PRKCG: variants seen among roughly 807,000 people sequenced by gnomAD.
PRKCG encodes protein kinase C gamma type.
A neutral mutation model predicts 82.0 loss-of-function variants in PRKCG; 28 were observed. The observed-to-expected ratio is 0.34, with a 90% CI of 0.25 to 0.47. PRKCG has a LOEUF of 0.47. PRKCG is among the 20% of genes least tolerant of loss of function. The pLI is 1.00. For missense variants in PRKCG, 640 were observed against 952.7 expected, an observed-to-expected ratio of 0.67 and a Z score of 4.32; for synonymous variants, 383 against 376.6, an observed-to-expected ratio of 1.02 and a Z score of -0.20.
chr19:53,892,381 C>G lies in PRKCG; in HGVS notation c.687-128C>G. The stretch of plus-strand genomic sequence containing the variant: ...GAGCCCGGCTGGGAAGGTCAGAGGT[C>G]GGAGACCGACAAAGCAGGAGAGGAG... On this transcript the variant is annotated intron_variant, in intron 6 of 17. Transcript: ENST00000263431. This position sits in a 1 kb window ranked among gnomAD's most constrained non-coding sequence, Gnocchi z 5.9. The G allele has an allele frequency of 7.0e-7, 1 of 1,423,082 alleles. No homozygotes were observed. The highest frequency in any genetic ancestry group is 9.5e-7 in the Non-Finnish European group (1 of 1,053,658). The allele number at this position is 1,423,082 out of a possible 1,614,324, so 88.2% of individuals were successfully genotyped here.
At chr19:53,890,967 G>T (rs569367944) in intron 5 of PRKCG, among the ~76,000 whole-genome samples, 45 of 152,036 alleles carry the variant, frequency 3.0e-4, no homozygotes, top group Middle Eastern at 3.4e-3. Flanking sequence ...AGCCAGGCTG[G>T]TCTGGAACTC....
At chr19:53,894,181 T>G (rs2068701209) in intron 9 of PRKCG, among the ~76,000 whole-genome samples, 1 of 152,190 alleles carries the variant, frequency 6.6e-6, no homozygotes, top group African/African-American at 2.4e-5. Flanking sequence ...TTCTCCTGCA[T>G]CAGCCTCCTG....
In PRKCG at chr19:53,900,982, A is replaced by C. The variant is rs2068759209; in HGVS notation, c.1575+233A>C. Among the ~76,000 whole-genome samples the C allele has an allele frequency of 6.6e-6, 1 of 152,158 alleles. No individual in the cohort carries two copies. Reference sequence around the variant, plus strand: ...GTAAGGTGGGCAGCACCTGTGGGTGAATGTTCCAGGAGAGTGGGACCAGCT... The same window carrying C: ...GTAAGGTGGGCAGCACCTGTGGGTGCATGTTCCAGGAGAGTGGGACCAGCT... On this transcript the variant is annotated intron_variant, in intron 14 of 17. Coordinates refer to ENST00000263431, the MANE Select transcript of PRKCG (RefSeq NM_002739.5). This position sits in a 1 kb window ranked among gnomAD's most constrained non-coding sequence, Gnocchi z 4.2.
intron 14 of PRKCG, among the ~76,000 whole-genome samples, chr19:53,902,633 TC>T (rs1452128402): frequency 2.0e-5 from 3 of 150,478 alleles, no homozygotes; most frequent in Non-Finnish European, 4.4e-5. Flanking sequence ...GGTGGCTCAC[TC>T]CTATAATCCC....
chr19:53,898,786 G>GGT lies in PRKCG; in HGVS notation c.1281+159_1281+160insTG, dbSNP rs1461217536. On this transcript the variant is annotated intron_variant, in intron 11 of 17. Transcript: ENST00000263431. ...TGTCTCCTCAGGGGGCGTGGCCGGG[G>GGT]GGGGGTCCTTGGGGGGCGTGGCCAG... is the stretch of plus-strand genomic sequence containing the variant. 1.1e-4 allele frequency among the ~76,000 whole-genome samples: 13 copies of GGT among 115,980 alleles called. 1 individual carries two copies. Among genetic ancestry groups the GGT allele is most frequent in the South Asian group, 3.5e-4 (1 of 2,866 alleles). The allele number at this position is 115,980 out of a possible 152,430, so 76.1% of individuals were successfully genotyped here.
In PRKCG at chr19:53,884,224, G is replaced by A; in HGVS notation, c.266G>A (p.Gly89Glu). 6.2e-7 allele frequency: 1 copy of A among 1,614,070 alleles called. No individual in the cohort carries two copies. Among genetic ancestry groups the A allele is most frequent in the Non-Finnish European group, 8.5e-7 (1 of 1,180,042 alleles). The change falls in exon 3 of 18, where the codon GGG becomes GAG. Residue 89 changes from glycine (G) to glutamate (E), a missense_variant. Gly to Glu is a moderately conservative substitution (Grantham distance 98). Around this residue, in one of 7 missense-constraint regions of PRKCG, gnomAD observed 50 missense variants for 146.5 expected, o/e 0.34. Transcript: ENST00000263431. This position sits in a 1 kb window ranked among gnomAD's most constrained non-coding sequence, Gnocchi z 4.6. ...GTGACCTTCGAGTGTCCAGGCGCTG[G>A]GAAGGGCCCCCAGACGGACGTGAGT... ...EFVTFECPGA[G>E]KGPQTDDPRN...
In PRKCG at chr19:53,889,594, AG is replaced by A; in HGVS notation, c.286-42del. ...AAAAGGGCCCCTCCCCTGGGGTTTTAGGACCCTCCCAACGCCCCCTAAGCCA... is the reference window on the plus strand; with the variant it reads ...AAAAGGGCCCCTCCCCTGGGGTTTTAGACCCTCCCAACGCCCCCTAAGCCA... On this transcript the variant is annotated intron_variant, in intron 3 of 17. Coordinates refer to ENST00000263431, the MANE Select transcript of PRKCG (RefSeq NM_002739.5). This position sits in a 1 kb window ranked among gnomAD's most constrained non-coding sequence, Gnocchi z 4.4. 6.7e-7 allele frequency: 1 copy of A among 1,493,928 alleles called. No individual in the cohort carries two copies. The highest frequency in any genetic ancestry group is 2.3e-5 in the East Asian group (1 of 43,858). 92.5% of individuals were successfully genotyped at this position (1,493,928 alleles called of 1,614,324 possible).
In PRKCG at chr19:53,884,404, G is replaced by A. The variant is rs1599938915; in HGVS notation, c.285+161G>A. Among the ~76,000 whole-genome samples, 1 of 152,028 alleles carries A rather than the reference G, an allele frequency of 6.6e-6. No individual in the cohort carries two copies. Among genetic ancestry groups the A allele is most frequent in the East Asian group, 1.9e-4 (1 of 5,184 alleles). ...GCCCAGATTCCTTGCCCTTGGCCTG[G>A]AAAGGGGGAATGCGAGGGGGACTGA... On this transcript the variant is annotated intron_variant, in intron 3 of 17. Transcript: ENST00000263431. The surrounding 1 kb of genome is among the most constrained non-coding windows in gnomAD (Gnocchi z 4.6).
chr19:53,898,700 T>C (rs2068736208), intron 11 of PRKCG, 72 bp downstream of exon 11: 2 of 1,448,176 alleles, frequency 1.4e-6, no homozygotes, highest in South Asian at 1.2e-5. Context: ...GCGTTGGGAT[T>C]CTGAGTTTAG....
In PRKCG at chr19:53,898,517, C is replaced by T; in HGVS notation, c.1170C>T (p.Asp390=). Residue 390 remains aspartate, a synonymous_variant, in exon 11 of 18, where the codon GAC becomes GAT. Coordinates refer to ENST00000263431, the MANE Select transcript of PRKCG (RefSeq NM_002739.5). The part of the protein sequence containing the change: ...KILKKDVIVQ[D]DDVDCTLVEK... ...TGAAAAAGGACGTGATCGTCCAGGA[C>T]GACGATGTGGACTGCACGCTGGTGG... 6.2e-7 allele frequency: 1 copy of T among 1,613,890 alleles called. No homozygotes were observed. The highest frequency in any genetic ancestry group is 8.5e-7 in the Non-Finnish European group (1 of 1,180,004).
rs368298841 is a variant in PRKCG, at chr19:53,883,197, A to G, written c.202+3A>G. The G allele has an allele frequency of 2.5e-6, 4 of 1,613,734 alleles. No homozygotes were observed. Among genetic ancestry groups the G allele is most frequent in the Non-Finnish European group, 3.4e-6 (4 of 1,179,868 alleles). ...AAAGCAGGGCCTGCAATGTCAAGGTAAGAGCTGGGGACCGGGGCTCCTGGG... is the reference window on the plus strand; with the variant it reads ...AAAGCAGGGCCTGCAATGTCAAGGTGAGAGCTGGGGACCGGGGCTCCTGGG... On this transcript the variant is annotated splice_donor_region_variant and intron_variant, in intron 2 of 17. Coordinates refer to ENST00000263431, the MANE Select transcript of PRKCG (RefSeq NM_002739.5). The surrounding 1 kb of genome is among the most constrained non-coding windows in gnomAD (Gnocchi z 5.4).
chr19:53,887,540 ACATGCCTTGACCAGGCATGGTGGCT>A (rs2068640370), intron 3 of PRKCG, among the ~76,000 whole-genome samples: 1 of 136,290 alleles, frequency 7.3e-6, no homozygotes, highest in Admixed American at 7.6e-5. Flanking sequence ...AAAAAAGGTA[ACATGCCTTGACCAGGCATGGTGGCT>A]CATGCCTGTA....
At position 53,892,645 on chromosome 19, in the gene PRKCG, TGAG is replaced by T; in HGVS notation, c.821+6_821+8del. On this transcript the variant is annotated splice_donor_5th_base_variant and intron_variant, in intron 7 of 17. Coordinates refer to ENST00000263431, the MANE Select transcript of PRKCG (RefSeq NM_002739.5). The surrounding 1 kb of genome is among the most constrained non-coding windows in gnomAD (Gnocchi z 5.9). ...GCTCAAGGCGCCCGTGGATGGCTGG[TGAG>T]GAGCAGGGCTGGGGCCTGGGGATGG... 1 of 1,610,754 alleles carries T rather than the reference TGAG, an allele frequency of 6.2e-7. No individual in the cohort carries two copies. Among genetic ancestry groups the T allele is most frequent in the Non-Finnish European group, 8.5e-7 (1 of 1,179,626 alleles).
chr19:53,891,652 C>A, intron 5 of PRKCG, 22 bp from the exon 6 acceptor site: 1 of 1,613,380 alleles, frequency 6.2e-7, no homozygotes, highest in Non-Finnish European at 8.5e-7. Flanking sequence ...ACCCGTCACA[C>A]TCTTCCTCAC....
chr19:53,883,489 AG>A lies in PRKCG; in HGVS notation c.202+300del, dbSNP rs1364606443. On this transcript the variant is annotated intron_variant, in intron 2 of 17. Transcript: ENST00000263431. The surrounding 1 kb of genome is among the most constrained non-coding windows in gnomAD (Gnocchi z 5.4). ...TGGAAAAGGGGAGCTGAAGGGGGGA[AG>A]GGGGAGGGGGCTGGAGATGCAAAGT... 1.1e-5 allele frequency among the ~76,000 whole-genome samples: 1 copy of A among 88,930 alleles called. No individual in the cohort carries two copies. The highest frequency in any genetic ancestry group is 4.3e-5 in the African/African-American group (1 of 23,324). The allele number at this position is 88,930 out of a possible 152,430, so 58.3% of individuals were successfully genotyped here. A position where few individuals can be genotyped will look rare whatever the true frequency, so the allele number is the denominator to read the frequency against.
rs977974146 is a variant in PRKCG at position 53,907,183 on chromosome 19, A to G, written c.*288A>G. ...ATCGGGTCCAGAGACCACACCACTA[A>G]CCATCCCCAACTCCATGGGGTTCGA... On this transcript the variant is annotated 3_prime_UTR_variant, in exon 18 of 18. Transcript: ENST00000263431. 2.7e-5 allele frequency: 15 copies of G among 552,916 alleles called. No homozygotes were observed. Among genetic ancestry groups the G allele is most frequent in the African/African-American group, 2.5e-4 (13 of 52,580 alleles). The allele number at this position is 552,916 out of a possible 1,614,324, so 34.3% of individuals were successfully genotyped here. A position where few individuals can be genotyped will look rare whatever the true frequency, so the allele number is the denominator to read the frequency against.
At position 53,906,084 on chromosome 19, in the gene PRKCG, C is replaced by CCTTCTTCTT. The variant is rs1199099703; in HGVS notation, c.1765-205_1765-197dup. ...TCCTCCTCCTCCTCCTCCTCCTCCT[C>CCTTCTTCTT]CTTCTTCTTCTTCTTCTTCTTCTTC... On this transcript the variant is annotated intron_variant, in intron 16 of 17. Coordinates refer to ENST00000263431, the MANE Select transcript of PRKCG (RefSeq NM_002739.5). 7.4e-3 allele frequency among the ~76,000 whole-genome samples: 207 copies of CCTTCTTCTT among 27,910 alleles called. 4 individuals are homozygous for CCTTCTTCTT. The highest frequency in any genetic ancestry group is 0.029 in the East Asian group (43 of 1,466). The allele number at this position is 27,910 out of a possible 152,430, so 18.3% of individuals were successfully genotyped here.
chr19:53,906,080 TCC>T (rs1568763977), intron 16 of PRKCG, among the ~76,000 whole-genome samples: 39 of 71,748 alleles, frequency 5.4e-4, no homozygotes, highest in East Asian at 3.4e-3. Flanking sequence ...CTCCTCCTCC[TCC>T]TCCTTCTTCT....
Position 53,883,214 on chromosome 19 carries a change from G to A in PRKCG, c.202+20G>A, listed in dbSNP as rs780271403. The A allele has an allele frequency of 2.5e-6, 4 of 1,613,788 alleles. No homozygotes were observed. The Admixed American group carries it at 5.0e-5, about 20-fold the overall frequency. On this transcript the variant is annotated intron_variant, in intron 2 of 17. Transcript: ENST00000263431. The surrounding 1 kb of genome is among the most constrained non-coding windows in gnomAD (Gnocchi z 5.4). ...GTCAAGGTAAGAGCTGGGGACCGGG[G>A]CTCCTGGGACCCTCAGGAGGGTGGA...
Sources: gnomAD v4.1 joint callset for allele counts (sites outside exome capture counted in the v4.1 genomes callset) on GRCh38, gnomAD v4.1.1 for gene constraint, gnomAD v4.1.1 regional missense constraint, Gnocchi (gnomAD v3.1) non-coding constraint, MANE v1.5 for transcripts, NCBI Gene and HGNC (gene_info 2026-07-23, HGNC 2026-07-21) for gene names.